INSYN2A: variants seen among roughly 807,000 people sequenced by gnomAD.
INSYN2A encodes inhibitory synaptic factor 2A.
INSYN2A carries 17 observed loss-of-function variants against 39.4 expected under a neutral mutation model. The ratio of observed to expected loss-of-function variants is 0.43; its 90% CI spans 0.30 to 0.65. INSYN2A has a LOEUF of 0.65. Ranked by LOEUF, INSYN2A falls within the 30% of genes least tolerant of loss-of-function variation. The pLI is 0.14. For synonymous variants in INSYN2A, 255 were observed against 265.7 expected, an observed-to-expected ratio of 0.96 and a Z score of 0.39; for missense variants, 595 against 631.2, an observed-to-expected ratio of 0.94 and a Z score of 0.61.
chr10:127,186,280 C>T (rs1255292798), intron 2 of INSYN2A, among the ~76,000 whole-genome samples: 1 of 152,100 alleles, frequency 6.6e-6, no homozygotes, highest in Admixed American at 6.5e-5. Context: ...GCTGGGGAGG[C>T]CTCAAGAAAC....
intron 5 of INSYN2A, among the ~76,000 whole-genome samples, chr10:127,151,712 C>T (rs193269328): frequency 1.3e-5 from 2 of 152,274 alleles, no homozygotes; most frequent in Admixed American, 6.5e-5. Context: ...ATAACCAGAG[C>T]GATCACAGTG....
At chr10:127,157,974 C>T (rs2053242827) in intron 4 of INSYN2A, among the ~76,000 whole-genome samples, 1 of 152,180 alleles carries the variant, frequency 6.6e-6, no homozygotes, top group Admixed American at 6.5e-5. Flanking sequence ...AGAGTGTTCT[C>T]AATAGAGGGC....
intron 2 of INSYN2A, among the ~76,000 whole-genome samples, chr10:127,188,822 A>G (rs2134066213): frequency 1.3e-5 from 2 of 152,346 alleles, no homozygotes; most frequent in South Asian, 4.1e-4. Context: ...TCATTCTCCA[A>G]ACACCCTCTG....
chr10:127,187,947 T>C (rs2056433514), intron 2 of INSYN2A, among the ~76,000 whole-genome samples: 1 of 152,254 alleles, frequency 6.6e-6, no homozygotes, highest in Non-Finnish European at 1.5e-5. Context: ...TCTTCCTTTA[T>C]CTTTTTCACC....
At chr10:127,140,554 T>C (rs1183516032) in intron 5 of INSYN2A, among the ~76,000 whole-genome samples, 1 of 152,110 alleles carries the variant, frequency 6.6e-6, no homozygotes, top group Non-Finnish European at 1.5e-5. Context: ...GAAGGAATAA[T>C]GTGCATTGTT....
At chr10:127,189,152 C>T (rs2056538355) in intron 2 of INSYN2A, among the ~76,000 whole-genome samples, 1 of 152,204 alleles carries the variant, frequency 6.6e-6, no homozygotes, top group Admixed American at 6.5e-5. Context: ...GAATCACCAC[C>T]AGAAGGTTCC....
intron 5 of INSYN2A, among the ~76,000 whole-genome samples, chr10:127,145,667 TG>T (rs1472193518): frequency 1.3e-5 from 2 of 152,162 alleles, no homozygotes; most frequent in African/African-American, 4.8e-5. Context: ...TCTAGAGACA[TG>T]GGTGACGTCC....
chr10:127,191,823 T>C (rs2056778014), intron 2 of INSYN2A, among the ~76,000 whole-genome samples: 1 of 152,206 alleles, frequency 6.6e-6, no homozygotes, highest in South Asian at 2.1e-4. Flanking sequence ...TGCCTGTCCA[T>C]GGAACCCCTG....
chr10:127,160,153 T>C (rs1296100968), intron 4 of INSYN2A, among the ~76,000 whole-genome samples: 1 of 146,664 alleles, frequency 6.8e-6, no homozygotes, highest in Non-Finnish European at 1.5e-5. Context: ...AAAAAAAAAG[T>C]CTCTCACTGT....
chr10:127,144,702 T>C (rs1179497608), intron 5 of INSYN2A, among the ~76,000 whole-genome samples: 2 of 152,246 alleles, frequency 1.3e-5, no homozygotes, highest in African/African-American at 4.8e-5. Flanking sequence ...CTCATCCTAA[T>C]AGTTTAAAAT....
chr10:127,158,968 A>G (rs577184733), intron 4 of INSYN2A, among the ~76,000 whole-genome samples: 213 of 152,262 alleles, frequency 1.4e-3, no homozygotes, highest in Admixed American at 2.4e-3. Flanking sequence ...TATCCCAGGG[A>G]CCAATTTGGG....
intron 4 of INSYN2A, among the ~76,000 whole-genome samples, chr10:127,164,864 G>A (rs938119996): frequency 2.6e-5 from 4 of 152,134 alleles, no homozygotes; most frequent in African/African-American, 9.7e-5. Context: ...GCAAAATGAT[G>A]ACAATGATAC....
rs1232379082 is a variant in INSYN2A, at chr10:127,137,729, G to A, written c.*108C>T. 2.0e-6 allele frequency: 2 copies of A among 1,023,460 alleles called. No individual in the cohort carries two copies. Among genetic ancestry groups the A allele is most frequent in the Non-Finnish European group, 2.8e-6 (2 of 704,482 alleles). 63.4% of individuals were successfully genotyped at this position (1,023,460 alleles called of 1,614,324 possible). A position where few individuals can be genotyped will look rare whatever the true frequency, so the allele number is the denominator to read the frequency against. On this transcript the variant is annotated 3_prime_UTR_variant, in exon 6 of 6. Transcript: ENST00000522781. Reference sequence around the variant, plus strand: ...GTACGCAGGGCGAGAAGTGGGAGGTGCCTGAATGGGCACCACAGTTCCCTC... The same window carrying A: ...GTACGCAGGGCGAGAAGTGGGAGGTACCTGAATGGGCACCACAGTTCCCTC...
intron 5 of INSYN2A, among the ~76,000 whole-genome samples, chr10:127,138,485 C>T (rs941546616): frequency 1.3e-5 from 2 of 152,136 alleles, no homozygotes; most frequent in African/African-American, 4.8e-5. Flanking sequence ...TGATCTCCCA[C>T]CTAAAACAAT....
intron 2 of INSYN2A, among the ~76,000 whole-genome samples, chr10:127,181,024 G>A (rs2055681472): frequency 2.0e-5 from 3 of 152,232 alleles, no homozygotes; most frequent in South Asian, 2.1e-4. Context: ...CCTGAAGCAG[G>A]CCTCTGGAAG....
chr10:127,161,076 A>C (rs1419132562), intron 4 of INSYN2A, among the ~76,000 whole-genome samples: 1 of 152,206 alleles, frequency 6.6e-6, no homozygotes, highest in Non-Finnish European at 1.5e-5. Flanking sequence ...AGCCACTCTG[A>C]GCAGTAGATT....
At chr10:127,171,883 T>C (rs1189375212) in intron 4 of INSYN2A, among the ~76,000 whole-genome samples, 6 of 152,120 alleles carry the variant, frequency 3.9e-5, no homozygotes, top group Non-Finnish European at 8.8e-5. Context: ...TTTGTATTTT[T>C]TAGTAGAGAC....
chr10:127,154,036 G>A (rs1355143928), intron 4 of INSYN2A, 113 bp from the exon 5 acceptor site: 1 of 740,396 alleles, frequency 1.4e-6, no homozygotes, highest in African/African-American at 1.8e-5. Flanking sequence ...CATGGTCATG[G>A]AAATTGATTA....
At chr10:127,180,732 G>C (rs890140834) in intron 2 of INSYN2A, among the ~76,000 whole-genome samples, 1 of 152,114 alleles carries the variant, frequency 6.6e-6, no homozygotes, top group African/African-American at 2.4e-5. Flanking sequence ...AAACAGTTAA[G>C]TAAATTATGG....
Sources: gnomAD v4.1 joint callset for allele counts (sites outside exome capture counted in the v4.1 genomes callset) on GRCh38, gnomAD v4.1.1 for gene constraint, MANE v1.5 for transcripts, NCBI Gene and HGNC (gene_info 2026-07-23, HGNC 2026-07-21) for gene names.